CNTNAP2: variants seen among roughly 807,000 people sequenced by gnomAD.
The protein encoded by CNTNAP2 is contactin-associated protein-like 2.
A neutral mutation model predicts 155.2 loss-of-function variants in CNTNAP2; 98 were observed. The observed-to-expected ratio is 0.63, with a 90% CI of 0.54 to 0.75. The LOEUF is 0.75. Among genes scored for constraint, CNTNAP2 ranks in the 30% least tolerant of loss-of-function variants. The probability of loss-of-function intolerance (pLI) is 0.00; values close to 1 mark genes in which losing one functional copy is unlikely to be tolerated. For missense variants in CNTNAP2, 1,727 were observed against 1,688.1 expected (o/e 1.02, Z -0.40); for synonymous variants, 651 against 631.2 (o/e 1.03, Z -0.47).
intron 15 of CNTNAP2, among the ~76,000 whole-genome samples, chr7:147,996,907 C>T (rs1016454601): frequency 6.6e-6 from 1 of 152,144 alleles, no homozygotes; most frequent in African/African-American, 2.4e-5. Context: ...CCTAATCACC[C>T]ACATGACAAT....
intron 1 of CNTNAP2, among the ~76,000 whole-genome samples, chr7:146,145,597 G>T (rs1412001179): frequency 6.6e-6 from 1 of 152,132 alleles, no homozygotes; most frequent in Admixed American, 6.6e-5. Flanking sequence ...GGAGAAATAA[G>T]AATTGTTTCC....
chr7:148,052,915 C>T (rs1217867312), intron 15 of CNTNAP2, among the ~76,000 whole-genome samples: 1 of 152,070 alleles, frequency 6.6e-6, no homozygotes, highest in Admixed American at 6.6e-5. Flanking sequence ...GGCATAGTGG[C>T]GCACGCCTGT....
intron 1 of CNTNAP2, among the ~76,000 whole-genome samples, chr7:146,308,956 C>G (rs551330945): frequency 6.6e-6 from 1 of 151,780 alleles, no homozygotes; most frequent in African/African-American, 2.4e-5. Flanking sequence ...TGCACATGTA[C>G]CACAGAACCT....
At chr7:147,570,092 G>A (rs572217348) in intron 12 of CNTNAP2, among the ~76,000 whole-genome samples, 33 of 152,262 alleles carry the variant, frequency 2.2e-4, no homozygotes, top group African/African-American at 7.2e-4. Flanking sequence ...GACCTGACTT[G>A]GTCGTCACTC....
At chr7:147,334,137 T>G (rs1795625420) in intron 9 of CNTNAP2, among the ~76,000 whole-genome samples, 1 of 152,218 alleles carries the variant, frequency 6.6e-6, no homozygotes, top group Admixed American at 6.5e-5. Context: ...TCTGGTCCTC[T>G]CAAAGCTAAT....
chr7:146,297,101 T>C (rs1029677468), intron 1 of CNTNAP2, among the ~76,000 whole-genome samples: 1 of 152,096 alleles, frequency 6.6e-6, no homozygotes, highest in Non-Finnish European at 1.5e-5. Flanking sequence ...ATTCTTGAGC[T>C]GTTAATTCAA....
At chr7:146,675,998 TA>T (rs1800392143) in intron 1 of CNTNAP2, among the ~76,000 whole-genome samples, 3 of 152,194 alleles carry the variant, frequency 2.0e-5, no homozygotes, top group African/African-American at 7.2e-5. Context: ...ATGTTGTTGG[TA>T]AAATTATCTA....
chr7:146,500,000 T>C (rs1375464052), intron 1 of CNTNAP2, among the ~76,000 whole-genome samples: 1 of 152,210 alleles, frequency 6.6e-6, no homozygotes, highest in Non-Finnish European at 1.5e-5. Flanking sequence ...TAAAAATTTT[T>C]ATTAATTTTA....
rs184997040 is a variant in CNTNAP2, at chr7:148,398,236, C to G, written c.3716-11155C>G. Among the ~76,000 whole-genome samples the G allele has an allele frequency of 2.0e-5, 3 of 152,300 alleles. No homozygotes were observed. The East Asian group carries it at 5.8e-4, about 29-fold the overall frequency. Reference sequence around the variant, plus strand: ...CCATGTTCTCAGCAACGCTCCTCATCTATGTATTATACTAGTTTCTGAAAA... The same window carrying G: ...CCATGTTCTCAGCAACGCTCCTCATGTATGTATTATACTAGTTTCTGAAAA... On this transcript the variant is annotated intron_variant, in intron 22 of 23. Coordinates refer to ENST00000361727, the MANE Select transcript of CNTNAP2 (RefSeq NM_014141.6).
chr7:146,815,808 G>A (rs375854756), intron 2 of CNTNAP2, among the ~76,000 whole-genome samples: 247 of 152,072 alleles, frequency 1.6e-3, no homozygotes, highest in African/African-American at 5.4e-3. Context: ...TGTGCACAAC[G>A]TGCAGGTTTG....
intron 1 of CNTNAP2, among the ~76,000 whole-genome samples, chr7:146,384,383 A>C (rs1795431781): frequency 6.6e-6 from 1 of 152,210 alleles, no homozygotes; most frequent in Non-Finnish European, 1.5e-5. Context: ...CCAGCATATC[A>C]TAAAATGAGA....
At chr7:148,349,643 C>T (rs564431585) in intron 21 of CNTNAP2, among the ~76,000 whole-genome samples, 388 of 152,136 alleles carry the variant, frequency 2.6e-3, no homozygotes, top group African/African-American at 8.2e-3. Context: ...CCTCGTGATC[C>T]GCCCGTCTCA....
At chr7:147,623,283 G>A (rs778359708) in intron 12 of CNTNAP2, among the ~76,000 whole-genome samples, 1 of 151,924 alleles carries the variant, frequency 6.6e-6, no homozygotes, top group Non-Finnish European at 1.5e-5. Flanking sequence ...ACAAAATAAA[G>A]GGCATCCAAA....
chr7:147,952,263 A>AT (rs1800946913), intron 14 of CNTNAP2, among the ~76,000 whole-genome samples: 1 of 25,808 alleles, frequency 3.9e-5, no homozygotes, highest in Non-Finnish European at 1.2e-4. Context: ...AACAACACGG[A>AT]GAAACCCCAT....
At chr7:147,801,187 G>A (rs780545292) in intron 13 of CNTNAP2, among the ~76,000 whole-genome samples, 66 of 151,984 alleles carry the variant, frequency 4.3e-4, no homozygotes, top group Non-Finnish European at 6.5e-4. Flanking sequence ...CTCAAACATA[G>A]AGAGAATATT....
chr7:146,567,785 A>G (rs1235355262), intron 1 of CNTNAP2, among the ~76,000 whole-genome samples: 2 of 152,038 alleles, frequency 1.3e-5, no homozygotes, highest in Non-Finnish European at 2.9e-5. Flanking sequence ...CAGTGGCGCG[A>G]TCTCGGCTCA....
chr7:146,416,632 C>A (rs143530154), intron 1 of CNTNAP2, among the ~76,000 whole-genome samples: 125 of 152,194 alleles, frequency 8.2e-4, no homozygotes, highest in African/African-American at 3.0e-3. Context: ...CTAACCCTTC[C>A]ATTTAAAGCC....
At chr7:146,337,951 G>T (rs1801306519) in intron 1 of CNTNAP2, among the ~76,000 whole-genome samples, 1 of 152,104 alleles carries the variant, frequency 6.6e-6, no homozygotes, top group Non-Finnish European at 1.5e-5. Context: ...AATAATATAG[G>T]CAATGACTTT....
intron 1 of CNTNAP2, among the ~76,000 whole-genome samples, chr7:146,193,585 A>G (rs909744619): frequency 6.6e-6 from 1 of 152,220 alleles, no homozygotes; most frequent in African/African-American, 2.4e-5. Context: ...CCTAGGCTGC[A>G]GAGCAGAAGG....
Sources: gnomAD v4.1 joint callset for allele counts (sites outside exome capture counted in the v4.1 genomes callset) on GRCh38, gnomAD v4.1.1 for gene constraint, MANE v1.5 for transcripts, NCBI Gene and HGNC (gene_info 2026-07-23, HGNC 2026-07-21) for gene names.